CSMD3: variants seen among roughly 807,000 people sequenced by gnomAD.
CSMD3 encodes CUB and sushi domain-containing protein 3.
CSMD3 carries 177 observed loss-of-function variants against 435.2 expected under a neutral mutation model. The ratio of observed to expected loss-of-function variants is 0.41; its 90% CI spans 0.36 to 0.46. The LOEUF is 0.46. CSMD3 is among the 20% of genes least tolerant of loss of function. The pLI, the probability that CSMD3 is intolerant of heterozygous loss-of-function variation, is 0.34. For synonymous variants in CSMD3, 1,656 were observed against 1,520.5 expected, an observed-to-expected ratio of 1.09 and a Z score of -2.07; for missense variants, 4,265 against 4,504.6, an observed-to-expected ratio of 0.95 and a Z score of 1.52.
At position 113,200,758 on chromosome 8, in the gene CSMD3, TCAAA is replaced by T. The variant is rs2092708443; in HGVS notation, c.515-26846_515-26843del. Among the ~76,000 whole-genome samples the T allele has an allele frequency of 2.6e-5, 4 of 151,430 alleles. No individual in the cohort carries two copies. The South Asian group carries it at 8.3e-4, about 31-fold the overall frequency. ...CAGTCTTACGTTAAATGTCACAGCC[TCAAA>T]CAGCCTTTTATTTTTTAATCTCCAG... On this transcript the variant is annotated intron_variant, in intron 3 of 70. Transcript: ENST00000297405.
rs182002750 is a variant in CSMD3 at position 112,876,097 on chromosome 8, C to T, written c.1634-16831G>A. 1.1e-3 allele frequency among the ~76,000 whole-genome samples: 166 copies of T among 151,962 alleles called. 2 individuals are homozygous for T. Among genetic ancestry groups the T allele is most frequent in the African/African-American group, 3.8e-3 (156 of 41,492 alleles). On this transcript the variant is annotated intron_variant, in intron 10 of 70. Coordinates refer to ENST00000297405, the MANE Select transcript of CSMD3 (RefSeq NM_198123.2). ...ATGTCGGTGACCTTCTGATGGGTTC[C>T]TGGGCACATACACCCTCTTAAAATA... is the stretch of plus-strand genomic sequence containing the variant.
intron 9 of CSMD3, among the ~76,000 whole-genome samples, chr8:112,941,775 A>C (rs1028201684): frequency 2.0e-5 from 3 of 151,682 alleles, no homozygotes; most frequent in Non-Finnish European, 4.4e-5. Context: ...CTTTATTTTT[A>C]ATTTTAATAG....
intron 22 of CSMD3, among the ~76,000 whole-genome samples, chr8:112,595,360 C>G (rs1208576688): frequency 1.4e-5 from 2 of 143,572 alleles, no homozygotes; most frequent in Non-Finnish European, 3.0e-5. Flanking sequence ...AAATATGGGA[C>G]TATGTGAAAA....
At chr8:112,319,383 A>T (rs563114290) in intron 46 of CSMD3, among the ~76,000 whole-genome samples, 1 of 152,288 alleles carries the variant, frequency 6.6e-6, no homozygotes, top group East Asian at 1.9e-4. Context: ...CAGCAACATT[A>T]AGATGTCTTC....
At chr8:113,108,989 AAAG>A (rs1413192620) in intron 4 of CSMD3, among the ~76,000 whole-genome samples, 2 of 152,212 alleles carry the variant, frequency 1.3e-5, no homozygotes, top group African/African-American at 2.4e-5. Flanking sequence ...AAACAATCAT[AAAG>A]AAGAATATAC....
At position 113,018,124 on chromosome 8, in the gene CSMD3, G is replaced by C. The variant is rs144696563; in HGVS notation, c.1030+943C>G. On this transcript the variant is annotated intron_variant, in intron 6 of 70. Transcript: ENST00000297405. ...ACAGTGATACTCAGTGCACTATTAC[G>C]AAAGTCAAATTACAAATCACATCAA... Among the ~76,000 whole-genome samples the C allele has an allele frequency of 7.0e-4, 107 of 152,046 alleles. 1 individual carries two copies. The highest frequency in any genetic ancestry group is 2.4e-3 in the African/African-American group (98 of 41,524).
At chr8:113,008,494 A>C (rs1193804120) in intron 6 of CSMD3, among the ~76,000 whole-genome samples, 2 of 151,816 alleles carry the variant, frequency 1.3e-5, no homozygotes, top group African/African-American at 2.4e-5. Flanking sequence ...TGTAGGTTTT[A>C]ATCATTTGAA....
intron 25 of CSMD3, among the ~76,000 whole-genome samples, chr8:112,555,697 G>GT (rs1292455834): frequency 1.3e-5 from 2 of 151,934 alleles, no homozygotes; most frequent in Admixed American, 6.6e-5. Flanking sequence ...TACGCAATTA[G>GT]TTGCAAGGCC....
At chr8:113,363,287 CGT>C (rs1029214591) in intron 1 of CSMD3, among the ~76,000 whole-genome samples, 7 of 22,974 alleles carry the variant, frequency 3.0e-4, no homozygotes, top group African/African-American at 4.9e-4. Context: ...TGCTTACACG[CGT>C]GTTTGTATAT....
chr8:112,583,254 C>G (rs1177754705), intron 23 of CSMD3, among the ~76,000 whole-genome samples: 1 of 151,852 alleles, frequency 6.6e-6, no homozygotes, highest in South Asian at 2.1e-4. Flanking sequence ...TTTCTATCTA[C>G]TGAAATAGAG....
intron 16 of CSMD3, among the ~76,000 whole-genome samples, chr8:112,681,520 T>A (rs1390915703): frequency 1.3e-5 from 2 of 152,150 alleles, no homozygotes; most frequent in African/African-American, 2.4e-5. Context: ...CTTTTAATTA[T>A]GATCATCCTT....
chr8:112,455,036 A>G (rs1406126751), intron 32 of CSMD3, among the ~76,000 whole-genome samples: 1 of 151,962 alleles, frequency 6.6e-6, no homozygotes, highest in Non-Finnish European at 1.5e-5. Flanking sequence ...TATTAAAAAA[A>G]AAAAAACCAA....
intron 2 of CSMD3, among the ~76,000 whole-genome samples, chr8:113,301,838 A>G (rs1229569045): frequency 6.6e-6 from 1 of 152,056 alleles, no homozygotes; most frequent in Non-Finnish European, 1.5e-5. Flanking sequence ...CCCTTTTTAC[A>G]TGATTATTTG....
Position 112,921,641 on chromosome 8 carries a change from C to T in CSMD3, c.1619G>A (p.Arg540Lys), listed in dbSNP as rs2130630192. ...AEVFAAWSDH[R>K]PVCKVKTCGS... ...TAAAACATTACCTTTACACACAGGC[C>T]TGTGATCACTCCAAGCAGCAAAAAC... The change falls in exon 10 of 71, where the codon AGG (arginine) becomes AAG (lysine). Residue 540 changes from arginine to lysine, a missense_variant. This residue lies in a region of CSMD3 where 731 missense variants were observed against 755.4 expected (regional missense o/e 0.97). Coordinates refer to ENST00000297405, the MANE Select transcript of CSMD3 (RefSeq NM_198123.2). 5.6e-6 allele frequency: 9 copies of T among 1,612,656 alleles called. No homozygotes were observed. The highest frequency in any genetic ancestry group is 6.8e-6 in the Non-Finnish European group (8 of 1,179,010).
chr8:112,410,616 G>GTA (rs200328572), intron 32 of CSMD3, among the ~76,000 whole-genome samples: 38,402 of 66,252 alleles, frequency 0.58, 10,941 homozygotes, highest in African/African-American at 0.64. Flanking sequence ...ATATATATAT[G>GTA]TATATATATG....
intron 6 of CSMD3, among the ~76,000 whole-genome samples, chr8:112,994,708 C>G (rs978177561): frequency 1.5e-4 from 23 of 151,498 alleles, no homozygotes; most frequent in African/African-American, 5.6e-4. Context: ...AGAGACATCA[C>G]ACATCTTCAT....
rs988415400 is a variant in CSMD3 at position 112,245,423 on chromosome 8, T to TA, written c.10223-851dup. ...CTGAAAAAAGTGTTCTGTGGATAAATAAAAAAAAACAATATTTTTCATTTG... is the reference window on the plus strand; with the variant it reads ...CTGAAAAAAGTGTTCTGTGGATAAATAAAAAAAAAACAATATTTTTCATTTG... On this transcript the variant is annotated intron_variant, in intron 64 of 70. Coordinates refer to ENST00000297405, the MANE Select transcript of CSMD3 (RefSeq NM_198123.2). 3.2e-3 allele frequency among the ~76,000 whole-genome samples: 485 copies of TA among 151,488 alleles called. 3 individuals are homozygous for TA. Among genetic ancestry groups the TA allele is most frequent in the African/African-American group, 0.011 (443 of 41,328 alleles).
At chr8:112,562,878 C>G (rs1290978550) in intron 24 of CSMD3, among the ~76,000 whole-genome samples, 1 of 151,670 alleles carries the variant, frequency 6.6e-6, no homozygotes, top group Non-Finnish European at 1.5e-5. Flanking sequence ...GCATATTTCT[C>G]TAACGTATTT....
At chr8:112,897,810 ACTCT>A (rs950509513) in intron 10 of CSMD3, among the ~76,000 whole-genome samples, 28 of 150,536 alleles carry the variant, frequency 1.9e-4, no homozygotes, top group African/African-American at 6.8e-4. Context: ...AAGACAAAAT[ACTCT>A]CTAACTTTAA....
Sources: gnomAD v4.1 joint callset for allele counts (sites outside exome capture counted in the v4.1 genomes callset) on GRCh38, gnomAD v4.1.1 for gene constraint, gnomAD v4.1.1 regional missense constraint, MANE v1.5 for transcripts, NCBI Gene and HGNC (gene_info 2026-07-23, HGNC 2026-07-21) for gene names.